SESTD1: variants seen among roughly 807,000 people sequenced by gnomAD.
SESTD1 encodes the protein SEC14 domain and spectrin repeat-containing protein 1.
SESTD1 carries 43 observed loss-of-function variants against 101.7 expected under a neutral mutation model. That is an observed-to-expected ratio of 0.42 (90% CI 0.33 to 0.55). The LOEUF is 0.55. Among genes scored for constraint, SESTD1 ranks in the 20% least tolerant of loss-of-function variants. The probability of loss-of-function intolerance (pLI) is 0.07; values close to 1 mark genes in which losing one functional copy is unlikely to be tolerated. For missense variants in SESTD1, 647 were observed against 815.1 expected (o/e 0.79, Z 2.51); for synonymous variants, 283 against 286.8 (o/e 0.99, Z 0.13).
At chr2:179,256,811 CAAAAA>C (rs368195849) in intron 1 of SESTD1, among the ~76,000 whole-genome samples, 1 of 76,520 alleles carries the variant, frequency 1.3e-5, no homozygotes, top group African/African-American at 4.6e-5. Flanking sequence ...GACTCCACCT[CAAAAA>C]AAAAAAAAAA....
At chr2:179,122,773 G>A (rs898867856) in intron 12 of SESTD1, among the ~76,000 whole-genome samples, 6 of 152,158 alleles carry the variant, frequency 3.9e-5, no homozygotes, top group Admixed American at 2.0e-4. Flanking sequence ...GCAGGTGCCT[G>A]TAATCCCAGC....
intron 1 of SESTD1, among the ~76,000 whole-genome samples, chr2:179,237,047 T>C (rs189212932): frequency 7.1e-4 from 106 of 148,704 alleles, no homozygotes; most frequent in Non-Finnish European, 1.5e-3. Context: ...TATAATCTTC[T>C]ATCAGAAAAA....
intron 13 of SESTD1, among the ~76,000 whole-genome samples, chr2:179,117,948 T>C (rs760496670): frequency 1.3e-5 from 2 of 152,154 alleles, no homozygotes; most frequent in Non-Finnish European, 2.9e-5. Context: ...GTTTCAAGGA[T>C]AAAAGTGTAA....
rs1485222359 is a variant in SESTD1, at chr2:179,205,702, G to C, written c.-25-13836C>G. 3.7e-5 allele frequency among the ~76,000 whole-genome samples: 5 copies of C among 135,082 alleles called. 2 individuals carry two copies. The highest frequency in any genetic ancestry group is 1.5e-4 in the African/African-American group (5 of 34,204). 88.6% of individuals were successfully genotyped at this position (135,082 alleles called of 152,430 possible). A position where few individuals can be genotyped will look rare whatever the true frequency, so the allele number is the denominator to read the frequency against. On this transcript the variant is annotated intron_variant, in intron 1 of 17. Coordinates refer to ENST00000428443, the MANE Select transcript of SESTD1 (RefSeq NM_178123.5). ...ATAACTTGAAAGTGATAAAAATGCAGCTTAAATACTAAAGAGAAATACAGT... is the reference window on the plus strand; with the variant it reads ...ATAACTTGAAAGTGATAAAAATGCACCTTAAATACTAAAGAGAAATACAGT...
chr2:179,230,519 A>AAAAT (rs959548007), intron 1 of SESTD1, among the ~76,000 whole-genome samples: 1 of 152,062 alleles, frequency 6.6e-6, no homozygotes, highest in African/African-American at 2.4e-5. Flanking sequence ...AGAATGGGCA[A>AAAAT]AAATAAATAA....
At chr2:179,200,072 C>T (rs1401177211) in intron 1 of SESTD1, among the ~76,000 whole-genome samples, 1 of 152,182 alleles carries the variant, frequency 6.6e-6, no homozygotes, top group Admixed American at 6.5e-5. Context: ...GCAACTTCAG[C>T]AAAGTCTCAC....
chr2:179,223,789 T>C (rs9288025), intron 1 of SESTD1, among the ~76,000 whole-genome samples: 33,201 of 152,032 alleles, frequency 0.22, 3,915 homozygotes, highest in South Asian at 0.38. Context: ...GTTGATAACA[T>C]TTATGTTCAT....
At chr2:179,214,246 T>C (rs372288308) in intron 1 of SESTD1, among the ~76,000 whole-genome samples, 1 of 133,922 alleles carries the variant, frequency 7.5e-6, no homozygotes, top group Non-Finnish European at 1.6e-5. Flanking sequence ...ATCTCACATG[T>C]AGAGGCACAC....
intron 1 of SESTD1, among the ~76,000 whole-genome samples, chr2:179,223,312 A>C (rs1237662182): frequency 6.6e-6 from 1 of 152,112 alleles, no homozygotes; most frequent in Non-Finnish European, 1.5e-5. Flanking sequence ...ATAGACACTA[A>C]GTTTCTTTTT....
chr2:179,147,574 A>C (rs1032236892), intron 7 of SESTD1, among the ~76,000 whole-genome samples: 4 of 152,032 alleles, frequency 2.6e-5, no homozygotes, highest in Non-Finnish European at 5.9e-5. Flanking sequence ...GTTGGCCAGG[A>C]TGGTCTTGAT....
chr2:179,168,041 G>C (rs2045866770), intron 5 of SESTD1, among the ~76,000 whole-genome samples: 1 of 152,126 alleles, frequency 6.6e-6, no homozygotes. Flanking sequence ...GGGATTTCAA[G>C]AGCCACCGCA....
At chr2:179,125,497 A>C (rs527972906) in intron 10 of SESTD1, among the ~76,000 whole-genome samples, 4 of 152,294 alleles carry the variant, frequency 2.6e-5, no homozygotes, top group African/African-American at 9.6e-5. Flanking sequence ...GGTAGACTAA[A>C]AACAACTAGG....
At chr2:179,232,267 A>T (rs2046999276) in intron 1 of SESTD1, among the ~76,000 whole-genome samples, 1 of 152,040 alleles carries the variant, frequency 6.6e-6, no homozygotes, top group African/African-American at 2.4e-5. Flanking sequence ...ACAAAATTAT[A>T]TATTTAATAA....
intron 17 of SESTD1, among the ~76,000 whole-genome samples, chr2:179,111,089 T>G (rs1292135363): frequency 6.6e-6 from 1 of 151,994 alleles, no homozygotes; most frequent in East Asian, 1.9e-4. Flanking sequence ...GGCTGTGAAA[T>G]GTAGGAATCA....
intron 5 of SESTD1, among the ~76,000 whole-genome samples, chr2:179,168,598 T>C (rs1379733906): frequency 6.6e-6 from 1 of 151,380 alleles, no homozygotes; most frequent in Non-Finnish European, 1.5e-5. Context: ...AAACAAAAAA[T>C]GAGACAATTC....
At chr2:179,111,909 T>C (rs1575417509) in intron 17 of SESTD1, among the ~76,000 whole-genome samples, 1 of 151,986 alleles carries the variant, frequency 6.6e-6, no homozygotes. Context: ...TTAGTAGAGA[T>C]GGGTTTTCAC....
rs1023375068 is a variant in SESTD1 at position 179,132,436 on chromosome 2, A to C, written c.850-10T>G. On this transcript the variant is annotated splice_polypyrimidine_tract_variant and intron_variant, in intron 9 of 17. Transcript: ENST00000428443. ...CTAGCCAGTTCACCACCTATAAACAAAAGTTGAGATAACATTTTTTAAAGA... is the reference window on the plus strand; with the variant it reads ...CTAGCCAGTTCACCACCTATAAACACAAGTTGAGATAACATTTTTTAAAGA... 4.6e-6 allele frequency: 7 copies of C among 1,531,020 alleles called. No individual in the cohort carries two copies. In the African/African-American group the frequency reaches 8.4e-5, roughly 18 times the overall value. 94.8% of individuals were successfully genotyped at this position (1,531,020 alleles called of 1,614,324 possible).
At chr2:179,197,608 C>T (rs560488430) in intron 1 of SESTD1, among the ~76,000 whole-genome samples, 4 of 152,354 alleles carry the variant, frequency 2.6e-5, no homozygotes, top group East Asian at 1.9e-4. Flanking sequence ...AACAGCAGAT[C>T]TCTCTGCAGA....
intron 1 of SESTD1, among the ~76,000 whole-genome samples, chr2:179,232,002 A>C (rs931514856): frequency 6.6e-6 from 1 of 152,046 alleles, no homozygotes; most frequent in Non-Finnish European, 1.5e-5. Context: ...ATAATACGTA[A>C]GACTGAAAAC....
Sources: allele counts gnomAD v4.1 joint callset (sites outside exome capture counted in the v4.1 genomes callset), GRCh38; gene constraint gnomAD v4.1.1; transcripts MANE v1.5; gene names NCBI Gene and HGNC (gene_info 2026-07-23, HGNC 2026-07-21).